Variants in ZNF41 observed in about 807,000 individuals in gnomAD.
ZNF41 encodes the protein zinc finger protein 41.
ZNF41 carries 6 observed loss-of-function variants against 9.3 expected under a neutral mutation model. The ratio of observed to expected loss-of-function variants is 0.65; its 90% confidence interval spans 0.35 to 1.28. The LOEUF is 1.28. Among genes scored for constraint, ZNF41 ranks in the 50% most tolerant of loss-of-function variants. The pLI, the probability that ZNF41 is intolerant of heterozygous loss-of-function variation, is 0.03. For missense variants in ZNF41, 523 were observed against 585.8 expected (o/e 0.89, Z 1.11); for synonymous variants, 192 against 207.1 (o/e 0.93, Z 0.63).
rs1196858303 is a variant in ZNF41 at position 47,467,533 on chromosome X, C to T, written c.-52G>A. The T allele has an allele frequency of 1.3e-5, 15 of 1,158,909 alleles. No individual in the cohort carries two copies. In the South Asian group the frequency reaches 2.3e-4, roughly 18 times the overall value. On this transcript the variant is annotated 5_prime_UTR_variant, in exon 2 of 5. Transcript: ENST00000684689. ...CTCTCCTGCTGACAACCCCACTCTT[C>T]CCCAAGCTGGAAGCTGAGCTGGCAT... is the stretch of plus-strand genomic sequence containing the variant.
intron 1 of ZNF41, among the ~76,000 whole-genome samples, chrX:47,475,142 A>C (rs2057302154): frequency 9.2e-6 from 1 of 108,735 alleles, no homozygotes; most frequent in Non-Finnish European, 1.9e-5. Context: ...TGATCAAGGT[A>C]AAAGAGAAAG....
rs762070837 is a variant in ZNF41 at position 47,469,784 on chromosome X, C to T, written c.-279-2024G>A. ...ACTTGGGAGGCTGAGGCAGGAGAAT[C>T]GCTTGAACCTGGGAGGCGGAGGTTG... On this transcript the variant is annotated intron_variant, in intron 1 of 4. Coordinates refer to ENST00000684689, the MANE Select transcript of ZNF41 (RefSeq NM_001324144.2). 2.0e-3 allele frequency among the ~76,000 whole-genome samples: 221 copies of T among 110,119 alleles called. 1 individual carries two copies. The highest frequency in any genetic ancestry group is 3.2e-3 in the Non-Finnish European group (167 of 52,344).
At chrX:47,466,123 G>A (rs1306606360) in intron 2 of ZNF41, among the ~76,000 whole-genome samples, 3 of 110,783 alleles carry the variant, frequency 2.7e-5, no homozygotes, top group Non-Finnish European at 5.7e-5. Context: ...ATGTTGGAAC[G>A]ACAAGTAATT....
intron 1 of ZNF41, among the ~76,000 whole-genome samples, chrX:47,468,809 G>C (rs1043961790): frequency 6.3e-5 from 7 of 111,070 alleles, no homozygotes; most frequent in African/African-American, 2.3e-4. Flanking sequence ...GGACTGAATC[G>C]ATGACCTCAG....
chrX:47,456,734 T>C (rs1043854631), intron 2 of ZNF41, among the ~76,000 whole-genome samples: 2 of 111,832 alleles, frequency 1.8e-5, no homozygotes, highest in African/African-American at 6.5e-5. Context: ...AAGAGTTGAG[T>C]AAAATATAAA....
chrX:47,459,742 T>TAAAAAAA (rs768291943), intron 2 of ZNF41, among the ~76,000 whole-genome samples: 2 of 16,156 alleles, frequency 1.2e-4, no homozygotes, highest in South Asian at 3.6e-3. Context: ...AGACCCTATC[T>TAAAAAAA]AAAAAAAAAA....
At chrX:47,450,175 A>C (rs2056305611) in intron 4 of ZNF41, among the ~76,000 whole-genome samples, 1 of 111,003 alleles carries the variant, frequency 9.0e-6, no homozygotes, top group African/African-American at 3.3e-5. Context: ...AGACATTTGC[A>C]CTCCAACTTT....
chrX:47,449,084 G>A lies in ZNF41; in HGVS notation c.686C>T (p.Ser229Phe). 1 of 1,211,442 alleles carries A rather than the reference G, an allele frequency of 8.3e-7. No homozygotes were observed. The highest frequency in any genetic ancestry group is 1.1e-6 in the Non-Finnish European group (1 of 895,428). ...TTTAGCATTCTCATTCTTAGTAGAG[G>A]AAGGGCTATGGGGGAAATTGTTACC... ...GNGNNFPHSPSSTKNENAKTG... is the reference protein window; with the variant it reads ...GNGNNFPHSPFSTKNENAKTG... The change falls in exon 5 of 5, where the codon TCC becomes TTC. Residue 229 changes from serine (S) to phenylalanine (F), a missense_variant. By Grantham distance (155) the Ser-to-Phe change is radical (BLOSUM62 -2). Transcript: ENST00000684689.
chrX:47,479,328 A>G (rs919685342), intron 1 of ZNF41, among the ~76,000 whole-genome samples: 1 of 112,315 alleles, frequency 8.9e-6, no homozygotes, highest in Admixed American at 9.5e-5. Context: ...TATTGAATAG[A>G]TTAATGAATA....
chrX:47,446,777 A>G lies in ZNF41; in HGVS notation c.*653T>C, dbSNP rs2056128192. On this transcript the variant is annotated 3_prime_UTR_variant, in exon 5 of 5. Coordinates refer to ENST00000684689, the MANE Select transcript of ZNF41 (RefSeq NM_001324144.2). ...GCCTAATTTCTCAATTCATAAAGTT[A>G]TATCTTTAAATTTAAAAATTCCATT... 1.8e-5 allele frequency: 2 copies of G among 112,507 alleles called. No individual in the cohort carries two copies. Among genetic ancestry groups the G allele is most frequent in the East Asian group, 2.8e-4 (1 of 3,573 alleles). The allele number at this position is 112,507 out of a possible 1,213,427, so 9.3% of individuals were successfully genotyped here. A position where few individuals can be genotyped will look rare whatever the true frequency, so the allele number is the denominator to read the frequency against.
In ZNF41 at chrX:47,449,406, C is replaced by G. The variant is rs2056276121; in HGVS notation, c.364G>C (p.Asp122His). The G allele has an allele frequency of 8.3e-7, 1 of 1,208,300 alleles. No homozygotes were observed. The highest frequency in any genetic ancestry group is 1.8e-5 in the African/African-American group (1 of 56,958). ...GGIFFHCERF[D>H]QPIGEDSLCS... ...AATGAATCTTCTCCTATGGGTTGAT[C>G]AAATCTCTCACAGTGGAAGAAAATT... is the stretch of plus-strand genomic sequence containing the variant. Residue 122 changes from aspartate (D) to histidine (H), a missense_variant, in exon 5 of 5, where the codon GAT (aspartate) becomes CAT (histidine). Asp to His is a moderately conservative substitution (Grantham distance 81). Transcript: ENST00000684689.
At chrX:47,466,721 G>A (rs982200425) in intron 2 of ZNF41, among the ~76,000 whole-genome samples, 5 of 110,059 alleles carry the variant, frequency 4.5e-5, no homozygotes, top group East Asian at 2.9e-4. Context: ...GGTTCGCCAC[G>A]TTGGTCAGGC....
chrX:47,450,318 C>T (rs1428056223), intron 4 of ZNF41, among the ~76,000 whole-genome samples: 2 of 110,864 alleles, frequency 1.8e-5, no homozygotes, highest in East Asian at 2.8e-4. Flanking sequence ...TCAAGTGGTT[C>T]GCCTGCTTCA....
Position 47,447,797 on chromosome X carries a change from G to C in ZNF41, c.1973C>G (p.Thr658Arg), listed in dbSNP as rs1470803528. 1.7e-6 allele frequency: 2 copies of C among 1,210,045 alleles called. No individual in the cohort carries two copies. The highest frequency in any genetic ancestry group is 1.7e-5 in the African/African-American group (1 of 57,174). Residue 658 changes from threonine to arginine, a missense_variant, in exon 5 of 5, where the codon ACA becomes AGA. Coordinates refer to ENST00000684689, the MANE Select transcript of ZNF41 (RefSeq NM_001324144.2). ...AGCACATATATTGGGCTTCTCACCT[G>C]TGTGGATTTTCTGATGCACACGGAG... ...SQLRVHQKIH[T>R]GEKPNICAEC...
intron 1 of ZNF41, among the ~76,000 whole-genome samples, chrX:47,469,563 T>TAG (rs2057115338): frequency 9.0e-6 from 1 of 111,036 alleles, no homozygotes; most frequent in Non-Finnish European, 1.9e-5. Flanking sequence ...AATAAGGCTG[T>TAG]TACTATTAAC....
chrX:47,463,116 G>A (rs763468000), intron 2 of ZNF41, among the ~76,000 whole-genome samples: 2 of 110,267 alleles, frequency 1.8e-5, no homozygotes, highest in East Asian at 2.8e-4. Context: ...GCGAACCACC[G>A]TGCCTGGCCA....
At chrX:47,468,495 C>T in intron 1 of ZNF41, among the ~76,000 whole-genome samples, 1 of 111,429 alleles carries the variant, frequency 9.0e-6, no homozygotes, top group Non-Finnish European at 1.9e-5. Flanking sequence ...TCCCAAATCC[C>T]TATAGCCCAC....
At chrX:47,481,491 A>AC (rs2057471266) in intron 1 of ZNF41, among the ~76,000 whole-genome samples, 1 of 111,497 alleles carries the variant, frequency 9.0e-6, no homozygotes. Flanking sequence ...TCTACACAAA[A>AC]TAAAAAATTA....
Position 47,447,980 on chromosome X carries a change from T to C in ZNF41, c.1790A>G (p.His597Arg), listed in dbSNP as rs2056187062. The change falls in exon 5 of 5, where the codon CAT becomes CGT. Residue 597 changes from histidine to arginine, a missense_variant. Coordinates refer to ENST00000684689, the MANE Select transcript of ZNF41 (RefSeq NM_001324144.2). ...TTTCTCTCCTGTATGGATTCTCTGA[T>C]GCACGCTTAGTGTTGATTTCTGGAT... ...AFIQKSTLSV[H>R]QRIHTGEKPY... 8.3e-7 allele frequency: 1 copy of C among 1,212,055 alleles called. No individual in the cohort carries two copies. The highest frequency in any genetic ancestry group is 1.1e-6 in the Non-Finnish European group (1 of 895,582).
Sources: allele counts gnomAD v4.1 joint callset (sites outside exome capture counted in the v4.1 genomes callset), GRCh38; gene constraint gnomAD v4.1.1; transcripts MANE v1.5; gene names NCBI Gene and HGNC (gene_info 2026-07-23, HGNC 2026-07-21).